CASK: variants seen among roughly 807,000 people sequenced by gnomAD.
CASK encodes peripheral plasma membrane protein CASK.
In CASK, 4 loss-of-function variants were observed where a neutral mutation model predicts 82.9. The observed-to-expected ratio is 0.05, with a 90% CI of 0.02 to 0.11. The LOEUF (loss-of-function observed/expected upper bound fraction) is 0.11, where lower values mean the gene tolerates loss of function less well. Ranked by LOEUF, CASK falls within the 10% of genes least tolerant of loss-of-function variation. The pLI is 1.00. For synonymous variants in CASK, 259 were observed against 253.5 expected (o/e 1.02, Z -0.20); for missense variants, 358 against 720.9 (o/e 0.50, Z 5.76).
chrX:41,798,954 A>G (rs954611806), intron 2 of CASK, among the ~76,000 whole-genome samples: 1 of 112,587 alleles, frequency 8.9e-6, no homozygotes, highest in Non-Finnish European at 1.9e-5. Flanking sequence ...TATGCTCTTA[A>G]TAACTCTGCT....
chrX:41,713,242 G>A (rs950100831), intron 5 of CASK, among the ~76,000 whole-genome samples: 1 of 111,966 alleles, frequency 8.9e-6, no homozygotes, highest in African/African-American at 3.3e-5. Context: ...TGAAGGAACT[G>A]TCAGAGCAGT....
chrX:41,812,589 C>T (rs1395692719), intron 2 of CASK, among the ~76,000 whole-genome samples: 1 of 111,248 alleles, frequency 9.0e-6, no homozygotes, highest in African/African-American at 3.3e-5. Context: ...TGGGACGTAT[C>T]TCAAAATAAT....
intron 9 of CASK, among the ~76,000 whole-genome samples, chrX:41,630,150 T>C (rs185464595): frequency 1.5e-3 from 169 of 112,429 alleles, no homozygotes; most frequent in Non-Finnish European, 2.6e-3. Flanking sequence ...AGTTAAGAAC[T>C]AGAAATAATT....
intron 5 of CASK, among the ~76,000 whole-genome samples, chrX:41,726,491 G>A (rs2068262847): frequency 9.0e-6 from 1 of 111,410 alleles, no homozygotes; most frequent in Middle Eastern, 4.6e-3. Context: ...ATAAAGGAGT[G>A]TTTTAGCCTA....
chrX:41,554,605 A>G (rs985208637), intron 20 of CASK, among the ~76,000 whole-genome samples: 1 of 112,354 alleles, frequency 8.9e-6, no homozygotes, highest in Non-Finnish European at 1.9e-5. Flanking sequence ...GCTTCAAGAC[A>G]TGCATAGTTC....
At chrX:41,547,176 C>T (rs1202869821) in intron 21 of CASK, among the ~76,000 whole-genome samples, 3 of 111,413 alleles carry the variant, frequency 2.7e-5, no homozygotes, top group Middle Eastern at 9.2e-3. Context: ...TCAGGTGATC[C>T]GCCCGTCTCG....
chrX:41,673,622 G>A (rs1010846313), intron 5 of CASK, among the ~76,000 whole-genome samples: 7 of 110,508 alleles, frequency 6.3e-5, no homozygotes, highest in African/African-American at 2.3e-4. Flanking sequence ...AGAACGAAGT[G>A]AAAAAGCAAG....
chrX:41,817,686 A>C (rs2070440297), intron 2 of CASK, among the ~76,000 whole-genome samples: 1 of 111,095 alleles, frequency 9.0e-6, no homozygotes, highest in African/African-American at 3.3e-5. Flanking sequence ...TGAGTTTTGT[A>C]AGACTGTAGA....
At chrX:41,889,309 CT>C (rs200032761) in intron 1 of CASK, among the ~76,000 whole-genome samples, 18,264 of 105,355 alleles carry the variant, frequency 0.17, 1,440 homozygotes, top group Middle Eastern at 0.3. Context: ...ATGCCAACAT[CT>C]TTTTTTTTTT....
chrX:41,916,693 C>T (rs186846808), intron 1 of CASK, among the ~76,000 whole-genome samples: 1 of 111,840 alleles, frequency 8.9e-6, no homozygotes, highest in East Asian at 2.8e-4. Flanking sequence ...GAACAATCTC[C>T]GTATTTTTAT....
chrX:41,537,403 A>G (rs2064888289), intron 22 of CASK, among the ~76,000 whole-genome samples: 3 of 111,658 alleles, frequency 2.7e-5, no homozygotes, highest in Non-Finnish European at 5.6e-5. Flanking sequence ...TAAAAAAAGG[A>G]CTTAATAAAA....
intron 2 of CASK, among the ~76,000 whole-genome samples, chrX:41,802,367 TAAAG>T (rs1186739297): frequency 1.8e-5 from 2 of 110,195 alleles, no homozygotes; most frequent in Non-Finnish European, 3.8e-5. Flanking sequence ...AGCAAAAAGA[TAAAG>T]AAAGAGGAAC....
At chrX:41,743,235 C>T (rs2068625054) in intron 4 of CASK, among the ~76,000 whole-genome samples, 1 of 111,417 alleles carries the variant, frequency 9.0e-6, no homozygotes, top group African/African-American at 3.3e-5. Flanking sequence ...CAGGTATCCC[C>T]GTGTTATTGT....
chrX:41,922,071 T>C (rs927568085), intron 1 of CASK, among the ~76,000 whole-genome samples: 11 of 111,282 alleles, frequency 9.9e-5, no homozygotes, highest in Non-Finnish European at 1.5e-4. Context: ...GAGTACTGTT[T>C]GACAAGAATG....
intron 26 of CASK, among the ~76,000 whole-genome samples, chrX:41,522,747 T>C (rs1162103215): frequency 8.9e-6 from 1 of 112,489 alleles, no homozygotes; most frequent in African/African-American, 3.2e-5. Context: ...ACATTTTTAA[T>C]GTAGGTCTCT....
In CASK at chrX:41,517,742, T is replaced by C; in HGVS notation, c.*2678A>G. The stretch of plus-strand genomic sequence containing the variant: ...GAAGCTTTTAGCAATTTTCTCTGAT[T>C]GCTTAGTGGACAATTGTAATGTAGC... On this transcript the variant is annotated 3_prime_UTR_variant, in exon 27 of 27. Coordinates refer to ENST00000378163, the MANE Select transcript of CASK (RefSeq NM_001367721.1). The C allele has an allele frequency of 1.5e-6, 1 of 659,034 alleles. No individual in the cohort carries two copies. Among genetic ancestry groups the C allele is most frequent in the Non-Finnish European group, 2.4e-6 (1 of 424,844 alleles). 54.3% of individuals were successfully genotyped at this position (659,034 alleles called of 1,213,427 possible).
intron 2 of CASK, among the ~76,000 whole-genome samples, chrX:41,830,777 G>A (rs372843134): frequency 2.0e-4 from 19 of 93,682 alleles, no homozygotes; most frequent in African/African-American, 5.3e-4. Context: ...CCGAGATCGC[G>A]CCACTGCACT....
At chrX:41,645,299 C>G (rs927808821) in intron 8 of CASK, among the ~76,000 whole-genome samples, 1 of 111,810 alleles carries the variant, frequency 8.9e-6, no homozygotes, top group Non-Finnish European at 1.9e-5. Flanking sequence ...AGATAATACT[C>G]TAACTGCAGC....
At chrX:41,552,632 G>T (rs925967716) in intron 21 of CASK, 1 of 111,678 alleles carries the variant, frequency 9.0e-6, no homozygotes, top group Non-Finnish European at 1.9e-5. Context: ...ACTGTTTCTC[G>T]AAGATCAGAC....
Sources: gnomAD v4.1 joint callset for allele counts (sites outside exome capture counted in the v4.1 genomes callset) on GRCh38, gnomAD v4.1.1 for gene constraint, MANE v1.5 for transcripts, NCBI Gene and HGNC (gene_info 2026-07-23, HGNC 2026-07-21) for gene names.